Variants in CDK12 observed in about 807,000 individuals in gnomAD.
The protein encoded by CDK12 is cyclin-dependent kinase 12.
In CDK12, 17 loss-of-function variants were observed where a neutral mutation model predicts 133.8. The ratio of observed to expected loss-of-function variants is 0.13; its 90% CI spans 0.09 to 0.19. The LOEUF (loss-of-function observed/expected upper bound fraction) is 0.19, where lower values mean the gene tolerates loss of function less well. Among genes scored for constraint, CDK12 ranks in the 10% least tolerant of loss-of-function variants. The probability of loss-of-function intolerance (pLI) is 1.00; values close to 1 mark genes in which losing one functional copy is unlikely to be tolerated. For missense variants in CDK12, 1,508 were observed against 1,818.7 expected, an observed-to-expected ratio of 0.83 and a Z score of 3.11; for synonymous variants, 694 against 683.6, an observed-to-expected ratio of 1.02 and a Z score of -0.24.
At position 39,555,792 on chromosome 17, in the gene CDK12, G is replaced by A. The variant is rs1008320249; in HGVS notation, n.357-494G>A. On this transcript the variant is annotated intron_variant and non_coding_transcript_variant, in intron 2 of 3. Transcript: ENST00000558240. ...GTGGATCGCTTGAGCTTAGGAGTTC[G>A]AGACCAGCCTGGGAAACATAGTGAA... Among the ~76,000 whole-genome samples, 17 of 149,704 alleles carry A rather than the reference G, an allele frequency of 1.1e-4. 1 individual carries two copies. The highest frequency in any genetic ancestry group is 5.3e-4 in the Admixed American group (8 of 14,984).
At chr17:39,509,796 AGGTTT>A in intron 7 of CDK12, 35 bp downstream of exon 7, 1 of 1,528,940 alleles carries the variant, frequency 6.5e-7, no homozygotes, top group Non-Finnish European at 9.1e-7. Context: ...GTGGGAAATA[AGGTTT>A]GTTTTGTTTT....
intron 3 of CDK12, among the ~76,000 whole-genome samples, chr17:39,559,098 C>T (rs755938196): frequency 6.6e-6 from 1 of 152,174 alleles, no homozygotes; most frequent in Non-Finnish European, 1.5e-5. Flanking sequence ...ATTGGAAACA[C>T]AAGGCGGCCC....
At chr17:39,492,385 C>G (rs900130030) in intron 3 of CDK12, among the ~76,000 whole-genome samples, 1 of 148,094 alleles carries the variant, frequency 6.8e-6, no homozygotes, top group African/African-American at 2.5e-5. Flanking sequence ...CATGAGCCAC[C>G]GAGCCCGGCC....
intron 2 of CDK12, among the ~76,000 whole-genome samples, chr17:39,478,551 C>G (rs189029212): frequency 1.3e-4 from 19 of 151,856 alleles, no homozygotes; most frequent in African/African-American, 4.6e-4. Flanking sequence ...GGTAGAAAAA[C>G]GGAAATAGAC....
At chr17:39,496,897 C>G (rs530094764) in intron 5 of CDK12, among the ~76,000 whole-genome samples, 1 of 147,038 alleles carries the variant, frequency 6.8e-6, no homozygotes, top group East Asian at 2.0e-4. Context: ...GTATCCTCCC[C>G]AACATTCAGT....
intron 7 of CDK12, 116 bp downstream of exon 7, chr17:39,509,877 T>C: frequency 1.3e-6 from 1 of 771,372 alleles, no homozygotes; most frequent in Non-Finnish European, 2.3e-6. Flanking sequence ...CTCAGCTCGC[T>C]GCAGCCTCAA....
rs992500276 is a variant in CDK12, at chr17:39,472,871, C to G, written c.1931+1108C>G. 4.6e-5 allele frequency among the ~76,000 whole-genome samples: 7 copies of G among 151,406 alleles called. 1 individual carries two copies. The Admixed American group carries it at 4.6e-4, about 10-fold the overall frequency. ...CGGGCGGATCACAAGGTCAGGAGAT[C>G]GAGACCATCCTGGCTAACAACGGTG... On this transcript the variant is annotated intron_variant, in intron 2 of 13. Coordinates refer to ENST00000447079, the MANE Select transcript of CDK12 (RefSeq NM_016507.4).
chr17:39,503,484 G>C (rs1176715225), intron 6 of CDK12, among the ~76,000 whole-genome samples: 1 of 152,152 alleles, frequency 6.6e-6, no homozygotes, highest in Non-Finnish European at 1.5e-5. Context: ...ATAGCTATTA[G>C]CTTGCAACTT....
chr17:39,551,508 C>A (rs2055954575), intron 2 of CDK12, among the ~76,000 whole-genome samples: 1 of 152,002 alleles, frequency 6.6e-6, no homozygotes, highest in East Asian at 1.9e-4. Context: ...TGAAATCTTA[C>A]CACATATTTC....
chr17:39,532,460 T>C lies in CDK12; in HGVS notation c.*1144T>C, dbSNP rs1413781890. ...TATTGTTTACACATATATTTTTATG[T>C]CAAAAAAAAAACAAAAACCTTTCAA... On this transcript the variant is annotated 3_prime_UTR_variant, in exon 14 of 14. Coordinates refer to ENST00000447079, the MANE Select transcript of CDK12 (RefSeq NM_016507.4). The C allele has an allele frequency of 4.4e-6, 1 of 226,492 alleles. No individual in the cohort carries two copies. Among genetic ancestry groups the C allele is most frequent in the Non-Finnish European group, 8.7e-6 (1 of 115,394 alleles). The allele number at this position is 226,492 out of a possible 1,614,324, so 14.0% of individuals were successfully genotyped here. A position where few individuals can be genotyped will look rare whatever the true frequency, so the allele number is the denominator to read the frequency against.
intron 3 of CDK12, among the ~76,000 whole-genome samples, chr17:39,563,090 T>TTGATGAA (rs2056440250): frequency 1.3e-5 from 2 of 152,174 alleles, no homozygotes; most frequent in Admixed American, 1.3e-4. Flanking sequence ...TAATGTCTTC[T>TTGATGAA]CGGCTCAGCT....
At chr17:39,520,202 A>G in intron 11 of CDK12, 115 bp downstream of exon 11, 1 of 1,089,962 alleles carries the variant, frequency 9.2e-7, no homozygotes, top group Non-Finnish European at 1.3e-6. Flanking sequence ...GGTGTCTTTG[A>G]GTATTATGGT....
chr17:39,487,003 G>C (rs117760647), intron 2 of CDK12, among the ~76,000 whole-genome samples: 1 of 151,786 alleles, frequency 6.6e-6, no homozygotes, highest in Non-Finnish European at 1.5e-5. Flanking sequence ...GGGAGACTCC[G>C]TCTCAAAAAA....
chr17:39,562,002 C>T (rs558714484), intron 3 of CDK12, among the ~76,000 whole-genome samples: 14 of 152,276 alleles, frequency 9.2e-5, no homozygotes, highest in Middle Eastern at 3.4e-3. Flanking sequence ...TGCAGTGGCG[C>T]GATCTCGGCT....
chr17:39,502,550 G>C (rs566225714), intron 6 of CDK12, among the ~76,000 whole-genome samples: 27 of 152,296 alleles, frequency 1.8e-4, no homozygotes, highest in Non-Finnish European at 3.4e-4. Flanking sequence ...ATCTTGCATG[G>C]TTACCTGGGA....
intron 2 of CDK12, among the ~76,000 whole-genome samples, chr17:39,475,261 G>C (rs2050106825): frequency 6.6e-6 from 1 of 151,996 alleles, no homozygotes; most frequent in Admixed American, 6.6e-5. Flanking sequence ...TTTAAGGCCA[G>C]GAGTTCAAAA....
At chr17:39,486,622 T>A (rs2051154013) in intron 2 of CDK12, among the ~76,000 whole-genome samples, 1 of 152,072 alleles carries the variant, frequency 6.6e-6, no homozygotes, top group Non-Finnish European at 1.5e-5. Context: ...TTTTGAATAA[T>A]GAGGAATTGA....
At chr17:39,509,319 C>A (rs2053335549) in intron 6 of CDK12, among the ~76,000 whole-genome samples, 1 of 152,112 alleles carries the variant, frequency 6.6e-6, no homozygotes, top group Admixed American at 6.6e-5. Context: ...CAATCTAGAG[C>A]AAATCATTTC....
chr17:39,540,533 G>C (rs2055356927), intron 1 of CDK12, among the ~76,000 whole-genome samples: 2 of 152,192 alleles, frequency 1.3e-5, no homozygotes, highest in South Asian at 2.1e-4. Context: ...ATCTGGGAAA[G>C]AAAATAGTAT....
Sources: gnomAD v4.1 joint callset for allele counts (sites outside exome capture counted in the v4.1 genomes callset) on GRCh38, gnomAD v4.1.1 for gene constraint, MANE v1.5 for transcripts, NCBI Gene and HGNC (gene_info 2026-07-23, HGNC 2026-07-21) for gene names.